Variants in MNAT1 observed in about 807,000 individuals in gnomAD.
The protein encoded by MNAT1 is CDK-activating kinase assembly factor MAT1.
A neutral mutation model predicts 42.0 loss-of-function variants in MNAT1; 43 were observed. That is an observed-to-expected ratio of 1.02 (90% confidence interval 0.80 to 1.32). MNAT1 has a LOEUF of 1.32. MNAT1 is among the 40% of genes most tolerant of loss of function. The pLI, the probability that MNAT1 is intolerant of heterozygous loss-of-function variation, is 0.00. For missense variants in MNAT1, 306 were observed against 350.4 expected, an observed-to-expected ratio of 0.87 and a Z score of 1.01; for synonymous variants, 118 against 120.0, an observed-to-expected ratio of 0.98 and a Z score of 0.11.
At chr14:60,915,222 G>A (rs1470188790) in intron 7 of MNAT1, among the ~76,000 whole-genome samples, 3 of 151,938 alleles carry the variant, frequency 2.0e-5, no homozygotes, top group African/African-American at 7.3e-5. Context: ...CAGTTCCTTG[G>A]TTTCCAATTT....
At chr14:60,916,111 A>G (rs949861663) in intron 7 of MNAT1, among the ~76,000 whole-genome samples, 4 of 152,188 alleles carry the variant, frequency 2.6e-5, no homozygotes, top group African/African-American at 7.2e-5. Context: ...TGTTACAGTT[A>G]ACATCTATAG....
At chr14:60,896,885 G>T (rs901656920) in intron 7 of MNAT1, among the ~76,000 whole-genome samples, 45 of 152,164 alleles carry the variant, frequency 3.0e-4, no homozygotes, top group African/African-American at 1.0e-3. Flanking sequence ...TGTTGGCAAA[G>T]TGTTGAATAG....
intron 1 of MNAT1, among the ~76,000 whole-genome samples, chr14:60,764,141 T>G (rs1006626428): frequency 2.6e-5 from 4 of 152,204 alleles, no homozygotes; most frequent in African/African-American, 9.6e-5. Flanking sequence ...AATTGTTCTC[T>G]TTTTAGAGTG....
At chr14:60,844,297 A>T (rs531258951) in intron 6 of MNAT1, among the ~76,000 whole-genome samples, 2 of 152,190 alleles carry the variant, frequency 1.3e-5, no homozygotes, top group East Asian at 1.9e-4. Context: ...TTCTGATTGG[A>T]TCTATAGATC....
Position 60,754,411 on chromosome 14 carries a change from G to C in MNAT1, c.89+19460G>C, listed in dbSNP as rs576700662. On this transcript the variant is annotated intron_variant, in intron 1 of 7. Coordinates refer to ENST00000261245, the MANE Select transcript of MNAT1 (RefSeq NM_002431.4). ...AGCTGGAGTTGGAGTGCAGTGGCAC[G>C]ATCTTGGCTCACTGCAACCTCCGCC... 2.0e-4 allele frequency among the ~76,000 whole-genome samples: 30 copies of C among 148,822 alleles called. No homozygotes were observed. In the East Asian group the frequency reaches 4.8e-3, roughly 24 times the overall value.
At chr14:60,892,336 ATATGT>A (rs1278796327) in intron 7 of MNAT1, among the ~76,000 whole-genome samples, 3 of 152,124 alleles carry the variant, frequency 2.0e-5, no homozygotes, top group East Asian at 1.9e-4. Flanking sequence ...ATTTTAACTA[ATATGT>A]TATGTTCTTT....
intron 3 of MNAT1, among the ~76,000 whole-genome samples, chr14:60,800,773 T>A (rs2032178486): frequency 6.6e-6 from 1 of 152,190 alleles, no homozygotes; most frequent in Admixed American, 6.5e-5. Context: ...AAATCCTCAT[T>A]GTGTTTATTA....
At chr14:60,792,591 A>G (rs2031863161) in intron 1 of MNAT1, among the ~76,000 whole-genome samples, 1 of 152,190 alleles carries the variant, frequency 6.6e-6, no homozygotes, top group South Asian at 2.1e-4. Context: ...GTTACTTCAC[A>G]GAAAGTCTTA....
intron 6 of MNAT1, among the ~76,000 whole-genome samples, chr14:60,824,616 T>C (rs1396742931): frequency 2.6e-5 from 4 of 152,186 alleles, no homozygotes; most frequent in Non-Finnish European, 5.9e-5. Flanking sequence ...CGTTATTAGA[T>C]ATGTTTCCAT....
chr14:60,852,740 G>A (rs2033855223), intron 6 of MNAT1, among the ~76,000 whole-genome samples: 1 of 152,030 alleles, frequency 6.6e-6, no homozygotes. Context: ...TAAGGAAGGG[G>A]TCCAGTTTCA....
chr14:60,785,374 G>A (rs936795168), intron 1 of MNAT1, among the ~76,000 whole-genome samples: 1 of 152,008 alleles, frequency 6.6e-6, no homozygotes, highest in Admixed American at 6.6e-5. Flanking sequence ...TCTGGGGAAC[G>A]GGTCTCAAAC....
At chr14:60,803,709 A>G (rs149511928) in intron 3 of MNAT1, among the ~76,000 whole-genome samples, 288 of 152,288 alleles carry the variant, frequency 1.9e-3, no homozygotes, top group African/African-American at 6.8e-3. Context: ...GAGTAAGAAA[A>G]CTAGAATTAT....
intron 7 of MNAT1, among the ~76,000 whole-genome samples, chr14:60,912,020 A>G (rs1435846112): frequency 6.6e-6 from 1 of 152,080 alleles, no homozygotes; most frequent in East Asian, 1.9e-4. Context: ...TTGGGTGCAT[A>G]TATATTTAGG....
rs142989875 is a variant in MNAT1 at position 60,736,869 on chromosome 14, G to A, written c.89+1918G>A. On this transcript the variant is annotated intron_variant, in intron 1 of 7. Coordinates refer to ENST00000261245, the MANE Select transcript of MNAT1 (RefSeq NM_002431.4). ...CATAATATTTGTTTACTATATATTG[G>A]CTATTTTATTATTATTATTCTTTGT... Among the ~76,000 whole-genome samples the A allele has an allele frequency of 3.7e-4, 56 of 152,102 alleles. 1 individual carries two copies. The East Asian group carries it at 9.8e-3, about 27-fold the overall frequency.
Position 60,956,103 on chromosome 14 carries a change from A to AT in MNAT1, c.810-12118dup, listed in dbSNP as rs544534782. Among the ~76,000 whole-genome samples, 8 of 150,886 alleles carry AT rather than the reference A, an allele frequency of 5.3e-5. No homozygotes were observed. The East Asian group carries it at 9.8e-4, about 18-fold the overall frequency. ...AAAGTGTAATATCAGGTTATTTGAGATTTTTTTTCTTTTTAAGTATTGTCT... is the reference window on the plus strand; with the variant it reads ...AAAGTGTAATATCAGGTTATTTGAGATTTTTTTTTCTTTTTAAGTATTGTCT... On this transcript the variant is annotated intron_variant, in intron 7 of 7. Transcript: ENST00000261245.
intron 1 of MNAT1, among the ~76,000 whole-genome samples, chr14:60,742,443 G>A (rs1011669740): frequency 6.6e-6 from 1 of 151,958 alleles, no homozygotes; most frequent in Non-Finnish European, 1.5e-5. Flanking sequence ...TCTTTTATTT[G>A]TATTTGTGAT....
chr14:60,963,142 C>T (rs149635900), intron 7 of MNAT1, among the ~76,000 whole-genome samples: 2,011 of 151,988 alleles, frequency 0.013, 23 homozygotes, highest in Non-Finnish European at 0.019. Context: ...CCACCACGCC[C>T]GGCTAATTTT....
intron 7 of MNAT1, among the ~76,000 whole-genome samples, chr14:60,934,072 C>T (rs994018742): frequency 1.3e-5 from 2 of 152,142 alleles, no homozygotes; most frequent in African/African-American, 4.8e-5. Context: ...TGTACATAAG[C>T]TGCTTAGAAA....
intron 1 of MNAT1, among the ~76,000 whole-genome samples, chr14:60,775,775 A>G (rs868211440): frequency 1.3e-5 from 2 of 152,152 alleles, no homozygotes; most frequent in Non-Finnish European, 2.9e-5. Flanking sequence ...TTTTGTCTCT[A>G]TAGTATGAGG....
Sources: gnomAD v4.1 joint callset for allele counts (sites outside exome capture counted in the v4.1 genomes callset) on GRCh38, gnomAD v4.1.1 for gene constraint, MANE v1.5 for transcripts, NCBI Gene and HGNC (gene_info 2026-07-23, HGNC 2026-07-21) for gene names.